RFX3: variants seen among roughly 807,000 people sequenced by gnomAD.
The protein encoded by RFX3 is transcription factor RFX3.
A neutral mutation model predicts 98.6 loss-of-function variants in RFX3; 14 were observed. The ratio of observed to expected loss-of-function variants is 0.14; its 90% CI spans 0.09 to 0.22. The LOEUF (loss-of-function observed/expected upper bound fraction) is 0.22, where lower values mean the gene tolerates loss of function less well. Among genes scored for constraint, RFX3 ranks in the 10% least tolerant of loss-of-function variants. The pLI, the probability that RFX3 is intolerant of heterozygous loss-of-function variation, is 1.00. For synonymous variants in RFX3, 383 were observed against 328.4 expected (o/e 1.17, Z -1.80); for missense variants, 639 against 926.9 (o/e 0.69, Z 4.03).
At chr9:3,521,434 T>A (rs897444616) in intron 1 of RFX3, among the ~76,000 whole-genome samples, 2 of 152,124 alleles carry the variant, frequency 1.3e-5, no homozygotes, top group Non-Finnish European at 2.9e-5. Flanking sequence ...TAATTAAAAA[T>A]TTTTTTCTTT....
intron 1 of RFX3, among the ~76,000 whole-genome samples, chr9:3,444,635 G>A (rs1845882663): frequency 6.6e-6 from 1 of 152,048 alleles, no homozygotes; most frequent in Admixed American, 6.6e-5. Context: ...GGCAAAACTG[G>A]GAATACACTA....
intron 2 of RFX3, among the ~76,000 whole-genome samples, chr9:3,353,611 C>T (rs1835412676): frequency 1.3e-5 from 2 of 151,994 alleles, no homozygotes; most frequent in Admixed American, 1.3e-4. Context: ...TGTACTAGCT[C>T]TAGAGTAAAG....
intron 14 of RFX3, among the ~76,000 whole-genome samples, chr9:3,254,281 A>C (rs1821813308): frequency 6.6e-6 from 1 of 151,750 alleles, no homozygotes; most frequent in Non-Finnish European, 1.5e-5. Flanking sequence ...AGGAAAAAAA[A>C]AAAAACCAAC....
At chr9:3,265,446 GC>G (rs956570048) in intron 12 of RFX3, among the ~76,000 whole-genome samples, 3 of 152,218 alleles carry the variant, frequency 2.0e-5, no homozygotes, top group Non-Finnish European at 4.4e-5. Context: ...GCTCAACTCT[GC>G]CCCCCGATTC....
At chr9:3,406,603 C>T (rs1220719131) in intron 1 of RFX3, among the ~76,000 whole-genome samples, 1 of 152,012 alleles carries the variant, frequency 6.6e-6, no homozygotes, top group African/African-American at 2.4e-5. Flanking sequence ...TACACAGAAT[C>T]TTTGATTTGT....
chr9:3,366,718 CTTTCTTT>C (rs1563994355), intron 2 of RFX3, among the ~76,000 whole-genome samples: 1 of 90,366 alleles, frequency 1.1e-5, no homozygotes, highest in Non-Finnish European at 2.3e-5. Flanking sequence ...TTCTTTCTTT[CTTTCTTT>C]CTTTCTTTCT....
chr9:3,235,750 T>C (rs960183456), intron 15 of RFX3, among the ~76,000 whole-genome samples: 8 of 152,144 alleles, frequency 5.3e-5, no homozygotes, highest in Admixed American at 6.5e-5. Context: ...TCCACCTCTC[T>C]CTTCATGTTA....
At chr9:3,455,663 T>G (rs1293213261) in intron 1 of RFX3, among the ~76,000 whole-genome samples, 1 of 152,230 alleles carries the variant, frequency 6.6e-6, no homozygotes, top group Non-Finnish European at 1.5e-5. Context: ...AGGTTAATTC[T>G]TTCAGCCTTA....
chr9:3,515,897 T>C (rs2133877130), intron 1 of RFX3, among the ~76,000 whole-genome samples: 1 of 152,296 alleles, frequency 6.6e-6, no homozygotes, highest in Non-Finnish European at 1.5e-5. Context: ...CAATCTAAGC[T>C]TTAATATACT....
At chr9:3,324,270 G>C in intron 4 of RFX3, 1 of 203,240 alleles carries the variant, frequency 4.9e-6, no homozygotes, top group Non-Finnish European at 1.1e-5. Context: ...TAAGAACTGT[G>C]ATTTATGCAT....
At chr9:3,294,051 A>C (rs1827708379) in intron 5 of RFX3, among the ~76,000 whole-genome samples, 1 of 152,230 alleles carries the variant, frequency 6.6e-6, no homozygotes, top group Non-Finnish European at 1.5e-5. Flanking sequence ...ATTACAAAAA[A>C]ATCTTTAAAG....
chr9:3,219,662 C>T lies in RFX3; in HGVS notation c.*5380G>A, dbSNP rs1399154706. 2 of 152,072 alleles carry T rather than the reference C, an allele frequency of 1.3e-5. No homozygotes were observed. Among genetic ancestry groups the T allele is most frequent in the East Asian group, 3.9e-4 (2 of 5,194 alleles). 9.4% of individuals were successfully genotyped at this position (152,072 alleles called of 1,614,324 possible). On this transcript the variant is annotated 3_prime_UTR_variant, in exon 17 of 17. Transcript: ENST00000617270. ...ACTCAGGTCTACTGGCACATAAAATCACTAGCAGCAATGATCAAGGCATGC... is the reference window on the plus strand; with the variant it reads ...ACTCAGGTCTACTGGCACATAAAATTACTAGCAGCAATGATCAAGGCATGC...
chr9:3,468,357 G>C (rs543049608), intron 1 of RFX3, among the ~76,000 whole-genome samples: 1 of 152,120 alleles, frequency 6.6e-6, no homozygotes, highest in African/African-American at 2.4e-5. Flanking sequence ...CTCACCCAGA[G>C]CCAAAAACAC....
At chr9:3,412,621 CTTAGGGTA>C (rs1305273554) in intron 1 of RFX3, among the ~76,000 whole-genome samples, 2 of 151,940 alleles carry the variant, frequency 1.3e-5, no homozygotes, top group East Asian at 3.9e-4. Context: ...TTTCCTGAAG[CTTAGGGTA>C]GTTTCAGGAG....
intron 14 of RFX3, among the ~76,000 whole-genome samples, chr9:3,251,106 T>A (rs968507773): frequency 6.6e-6 from 1 of 152,196 alleles, no homozygotes; most frequent in African/African-American, 2.4e-5. Context: ...AAATAATGTA[T>A]GAGGCATAAA....
chr9:3,500,829 T>C (rs950520446), intron 1 of RFX3, among the ~76,000 whole-genome samples: 1 of 152,194 alleles, frequency 6.6e-6, no homozygotes, highest in Non-Finnish European at 1.5e-5. Flanking sequence ...AAAACAGTTA[T>C]TTAATACTTA....
intron 5 of RFX3, among the ~76,000 whole-genome samples, chr9:3,296,435 G>A (rs1397723875): frequency 4.0e-5 from 6 of 151,836 alleles, no homozygotes; most frequent in East Asian, 1.9e-4. Context: ...AATCTGCACC[G>A]TTTTATAAAC....
chr9:3,346,715 T>C lies in RFX3; in HGVS notation c.167A>G (p.Gln56Arg). The C allele has an allele frequency of 6.2e-7, 1 of 1,613,866 alleles. No individual in the cohort carries two copies. Among genetic ancestry groups the C allele is most frequent in the Non-Finnish European group, 8.5e-7 (1 of 1,179,766 alleles). ...VQQVQHVYPA[Q>R]VQYVEGSDTV... Reference sequence around the variant, plus strand: ...ATCGCTTCCTTCCACATACTGCACCTGAGCGGGATAGACATGTTGTACCTG... The same window carrying C: ...ATCGCTTCCTTCCACATACTGCACCCGAGCGGGATAGACATGTTGTACCTG... Residue 56 changes from glutamine to arginine, a missense_variant, in exon 3 of 17, where the codon CAG (glutamine) becomes CGG (arginine). Around this residue, in one of 9 missense-constraint regions of RFX3, gnomAD observed 210 missense variants for 197.7 expected, o/e 1.06. Coordinates refer to ENST00000617270, the MANE Select transcript of RFX3 (RefSeq NM_001282116.2).
intron 2 of RFX3, among the ~76,000 whole-genome samples, chr9:3,378,659 C>A (rs1025489695): frequency 6.7e-6 from 1 of 149,652 alleles, no homozygotes; most frequent in Non-Finnish European, 1.5e-5. Flanking sequence ...CGGGTTCAAG[C>A]GATTCTCCTG....
Sources: allele counts gnomAD v4.1 joint callset (sites outside exome capture counted in the v4.1 genomes callset), GRCh38; gene constraint gnomAD v4.1.1; regional missense constraint gnomAD v4.1.1; transcripts MANE v1.5; gene names NCBI Gene and HGNC (gene_info 2026-07-23, HGNC 2026-07-21).